VWA3B: variants seen among roughly 807,000 people sequenced by gnomAD.
VWA3B encodes von Willebrand factor A domain-containing protein 3B.
VWA3B carries 138 observed loss-of-function variants against 158.3 expected under a neutral mutation model. That is an observed-to-expected ratio of 0.87 (90% confidence interval 0.76 to 1.00). The LOEUF is 1.00. Among genes scored for constraint, VWA3B ranks in the 50% least tolerant of loss-of-function variants. The probability of loss-of-function intolerance (pLI) is 0.00; values close to 1 mark genes in which losing one functional copy is unlikely to be tolerated. For synonymous variants in VWA3B, 596 were observed against 587.3 expected, an observed-to-expected ratio of 1.01 and a Z score of -0.21; for missense variants, 1,555 against 1,565.1, an observed-to-expected ratio of 0.99 and a Z score of 0.11.
chr2:98,265,517 T>C (rs1016546189), intron 21 of VWA3B, among the ~76,000 whole-genome samples: 1 of 152,044 alleles, frequency 6.6e-6, no homozygotes, highest in African/African-American at 2.4e-5. Flanking sequence ...TGTGCGTGTG[T>C]CTTTATAGCA....
At chr2:98,121,660 G>C (rs1674976781) in intron 5 of VWA3B, among the ~76,000 whole-genome samples, 1 of 152,102 alleles carries the variant, frequency 6.6e-6, no homozygotes, top group African/African-American at 2.4e-5. Context: ...TCCTGAACCT[G>C]GCTAGGCTCC....
At chr2:98,193,920 T>G (rs1681811855) in intron 11 of VWA3B, among the ~76,000 whole-genome samples, 1 of 152,162 alleles carries the variant, frequency 6.6e-6, no homozygotes, top group African/African-American at 2.4e-5. Flanking sequence ...AAAGCTCTAC[T>G]GGAGAAATAT....
At position 98,300,078 on chromosome 2, in the gene VWA3B, G is replaced by A. The variant is rs951156452; in HGVS notation, c.3283-1G>A. On this transcript the variant is annotated splice_acceptor_variant, in intron 24 of 27. Coordinates refer to ENST00000477737, the MANE Select transcript of VWA3B (RefSeq NM_144992.5). LOFTEE classifies it high-confidence loss of function. ...TATTTGCTCTATGTTCTCCTCTGCA[G>A]GTTGGAGATTATGTGTTTGCCAAAA... 12 of 1,614,028 alleles carry A rather than the reference G, an allele frequency of 7.4e-6. No individual in the cohort carries two copies. The highest frequency in any genetic ancestry group is 1.7e-5 in the Admixed American group (1 of 60,000).
At chr2:98,280,411 T>C (rs553054627) in intron 22 of VWA3B, among the ~76,000 whole-genome samples, 1 of 152,374 alleles carries the variant, frequency 6.6e-6, no homozygotes, top group South Asian at 2.1e-4. Context: ...GGTAGCTATT[T>C]GTTAATGTTT....
At chr2:98,250,933 AAAAT>A (rs924583796) in intron 20 of VWA3B, among the ~76,000 whole-genome samples, 110 of 152,100 alleles carry the variant, frequency 7.2e-4, no homozygotes, top group African/African-American at 2.5e-3. Context: ...TCTGTGATGA[AAAAT>A]AAATAAATAA....
In VWA3B at chr2:98,236,247, G is replaced by A; in HGVS notation, c.2429-143G>A. ...GGAATCTTGCCTGAGAGCCCGCTCT[G>A]ACAAATCAGGATATGTTCTCTGAAA... On this transcript the variant is annotated intron_variant, in intron 17 of 27. Coordinates refer to ENST00000477737, the MANE Select transcript of VWA3B (RefSeq NM_144992.5). 2.1e-6 allele frequency: 2 copies of A among 931,660 alleles called. 1 individual carries two copies. The highest frequency in any genetic ancestry group is 3.3e-5 in the South Asian group (2 of 61,150). 57.7% of individuals were successfully genotyped at this position (931,660 alleles called of 1,614,324 possible). A position where few individuals can be genotyped will look rare whatever the true frequency, so the allele number is the denominator to read the frequency against.
At chr2:98,309,556 A>C (rs1312128386) in intron 26 of VWA3B, among the ~76,000 whole-genome samples, 1 of 152,182 alleles carries the variant, frequency 6.6e-6, no homozygotes, top group African/African-American at 2.4e-5. Flanking sequence ...ACTTTCCATG[A>C]AGCCATTGGA....
In VWA3B at chr2:98,230,047, C is replaced by A; in HGVS notation, c.2151-3C>A. The A allele has an allele frequency of 6.4e-7, 1 of 1,562,228 alleles. No individual in the cohort carries two copies. Among genetic ancestry groups the A allele is most frequent in the Non-Finnish European group, 8.6e-7 (1 of 1,162,766 alleles). ...GCTCGACTTTTTATCTAAATCAAAA[C>A]AGGCATCAAAAGGAAATCTGTTCTA... On this transcript the variant is annotated splice_polypyrimidine_tract_variant and splice_region_variant and intron_variant, in intron 15 of 27. Transcript: ENST00000477737.
At chr2:98,134,579 G>A (rs777166470) in intron 7 of VWA3B, among the ~76,000 whole-genome samples, 28 of 152,088 alleles carry the variant, frequency 1.8e-4, no homozygotes, top group Non-Finnish European at 3.2e-4. Flanking sequence ...AAGTGCTGAA[G>A]ACTGAATAAA....
chr2:98,105,270 G>A (rs1683356904), intron 2 of VWA3B, among the ~76,000 whole-genome samples: 1 of 151,886 alleles, frequency 6.6e-6, no homozygotes, highest in Non-Finnish European at 1.5e-5. Context: ...TTATCCATTT[G>A]TACATCCATA....
At chr2:98,182,051 G>C (rs764216261) in intron 9 of VWA3B, among the ~76,000 whole-genome samples, 1 of 152,240 alleles carries the variant, frequency 6.6e-6, no homozygotes, top group Non-Finnish European at 1.5e-5. Context: ...CCAAAGGCAG[G>C]CTCTTTCAGG....
chr2:98,246,034 C>A (rs1370169858), intron 19 of VWA3B, among the ~76,000 whole-genome samples: 1 of 152,014 alleles, frequency 6.6e-6, no homozygotes, highest in African/African-American at 2.4e-5. Context: ...TCTTAACTTT[C>A]TTTCTCTTCA....
intron 3 of VWA3B, among the ~76,000 whole-genome samples, chr2:98,118,974 T>A (rs62154875): frequency 0.13 from 20,169 of 152,032 alleles, 2,065 homozygotes; most frequent in Non-Finnish European, 0.19. Flanking sequence ...CAGCAGTGAG[T>A]GATCAGGTGG....
intron 22 of VWA3B, among the ~76,000 whole-genome samples, chr2:98,288,852 A>G (rs1290426203): frequency 2.6e-5 from 4 of 152,200 alleles, no homozygotes; most frequent in African/African-American, 4.8e-5. Flanking sequence ...CTGAGTTCAC[A>G]TGGTGGTAAT....
chr2:98,179,135 A>G (rs1680254940), intron 8 of VWA3B: 2 of 456,894 alleles, frequency 4.4e-6, no homozygotes, highest in South Asian at 1.6e-5. Flanking sequence ...ATCGCCCAGC[A>G]TGGAGTTGGG....
chr2:98,105,866 G>A (rs1056622135), intron 2 of VWA3B, among the ~76,000 whole-genome samples: 4 of 151,866 alleles, frequency 2.6e-5, no homozygotes, highest in African/African-American at 9.7e-5. Flanking sequence ...AAAGTTGGTT[G>A]TGCCTATATT....
At chr2:98,251,165 A>G (rs1435027443) in intron 20 of VWA3B, among the ~76,000 whole-genome samples, 2 of 152,172 alleles carry the variant, frequency 1.3e-5, no homozygotes, top group Admixed American at 6.5e-5. Context: ...CCTACATGCT[A>G]GGCACTGCAT....
chr2:98,241,513 G>A (rs36102785), intron 19 of VWA3B, among the ~76,000 whole-genome samples: 20,883 of 151,724 alleles, frequency 0.14, 2,205 homozygotes, highest in East Asian at 0.47. Flanking sequence ...GAAACACTGC[G>A]GATGTACCCA....
the VWA3B span, among the ~76,000 whole-genome samples, chr2:98,325,918 G>A: frequency 6.6e-6 from 1 of 152,138 alleles, no homozygotes; most frequent in Non-Finnish European, 1.5e-5. Flanking sequence ...CTTTCACCAA[G>A]TCAGTCCATG....
Sources: allele counts gnomAD v4.1 joint callset (sites outside exome capture counted in the v4.1 genomes callset), GRCh38; gene constraint gnomAD v4.1.1; transcripts MANE v1.5; gene names NCBI Gene and HGNC (gene_info 2026-07-23, HGNC 2026-07-21).